DNAH11: variants seen among roughly 807,000 people sequenced by gnomAD.
DNAH11 encodes the protein axonemal beta dynein heavy chain 11.
Under a neutral mutation model 526.0 loss-of-function variants are expected in DNAH11, and 442 were observed. That is an observed-to-expected ratio of 0.84 (90% CI 0.78 to 0.91). The LOEUF (loss-of-function observed/expected upper bound fraction) is 0.91. Among genes scored for constraint, DNAH11 ranks in the 40% least tolerant of loss-of-function variants. The pLI is 0.00. For synonymous variants in DNAH11, 2,461 were observed against 1,935.9 expected (o/e 1.27, Z -7.12); for missense variants, 6,989 against 5,448.7 (o/e 1.28, Z -8.90).
chr7:21,711,956 C>A, intron 42 of DNAH11, 96 bp downstream of exon 42: 1 of 1,362,550 alleles, frequency 7.3e-7, no homozygotes. Flanking sequence ...TGTTGTTGCA[C>A]AGCTGTCACC....
At position 21,683,979 on chromosome 7, in the gene DNAH11, A is replaced by T. The variant is rs542412747; in HGVS notation, c.5621+35A>T. ...CAAAGTTTCCGTCCAGATAGGAAAA[A>T]CAACCCAAAAAAGTCCCCTAGTGTG... On this transcript the variant is annotated intron_variant, in intron 32 of 81. Transcript: ENST00000409508. The T allele has an allele frequency of 4.6e-5, 74 of 1,608,402 alleles. No individual in the cohort carries two copies. In the African/African-American group the frequency reaches 7.2e-4, roughly 16 times the overall value.
At position 21,749,632 on chromosome 7, in the gene DNAH11, C is replaced by T. The variant is rs575970572; in HGVS notation, c.8674-46C>T. On this transcript the variant is annotated intron_variant, in intron 52 of 81. Transcript: ENST00000409508. The stretch of plus-strand genomic sequence containing the variant: ...GCACTCACACACAACCTCTCAACGC[C>T]GCATCAGCATTTTAACAAAACATGA... 2.7e-4 allele frequency: 429 copies of T among 1,608,474 alleles called. No homozygotes were observed. The South Asian group carries it at 4.6e-3, about 17-fold the overall frequency.
At chr7:21,611,405 A>T (rs533515516) in intron 20 of DNAH11, among the ~76,000 whole-genome samples, 4 of 152,234 alleles carry the variant, frequency 2.6e-5, no homozygotes, top group Non-Finnish European at 5.9e-5. Flanking sequence ...CCAGCTTGCA[A>T]ATAGCTTATT....
chr7:21,684,755 C>T (rs1321271321), intron 32 of DNAH11, among the ~76,000 whole-genome samples: 2 of 152,196 alleles, frequency 1.3e-5, no homozygotes, highest in Admixed American at 6.5e-5. Context: ...AGTTCGTTTC[C>T]ACTTGACTCC....
chr7:21,866,260 T>C (rs1783271884), intron 70 of DNAH11, among the ~76,000 whole-genome samples: 1 of 146,650 alleles, frequency 6.8e-6, no homozygotes, highest in African/African-American at 2.5e-5. Context: ...CAAACCCAAC[T>C]AGGTCAGGGA....
At chr7:21,869,918 G>A (rs897778610) in intron 73 of DNAH11, among the ~76,000 whole-genome samples, 3 of 152,154 alleles carry the variant, frequency 2.0e-5, no homozygotes, top group South Asian at 2.1e-4. Flanking sequence ...CAGCATTAGG[G>A]GGCACCTGAG....
At chr7:21,867,818 C>T (rs1420675281) in intron 71 of DNAH11, 41 bp from the exon 72 acceptor site, 6 of 1,537,160 alleles carry the variant, frequency 3.9e-6, no homozygotes, top group South Asian at 2.4e-5. Flanking sequence ...TTTTCAAGGT[C>T]AAAACCACTG....
chr7:21,779,032 G>C lies in DNAH11; in HGVS notation c.9411G>C (p.Leu3137=), dbSNP rs775668376. ...TGAGAAATCATGATGCCGAAGCTCT[G>C]ATCACAAAGATCGGCCTTCAGACGG... ...LQLRNHDAEA[L]ITKIGLQTEK... Residue 3137 remains leucine (L), a synonymous_variant, in exon 57 of 82, where the codon CTG becomes CTC. Transcript: ENST00000409508. 1 of 1,613,464 alleles carries C rather than the reference G, an allele frequency of 6.2e-7. No homozygotes were observed. The highest frequency in any genetic ancestry group is 8.5e-7 in the Non-Finnish European group (1 of 1,179,604).
chr7:21,872,580 G>A (rs1301458798), intron 73 of DNAH11, among the ~76,000 whole-genome samples: 5 of 152,164 alleles, frequency 3.3e-5, no homozygotes, highest in Admixed American at 3.3e-4. Context: ...CAACTACCAA[G>A]CTATAACCTG....
chr7:21,851,707 A>G, intron 66 of DNAH11: 2 of 469,002 alleles, frequency 4.3e-6, no homozygotes, highest in South Asian at 3.1e-5. Flanking sequence ...TTCAAGCTCT[A>G]CTTGCATGTC....
intron 42 of DNAH11, among the ~76,000 whole-genome samples, chr7:21,713,301 T>A (rs1784530973): frequency 1.3e-5 from 2 of 152,146 alleles, no homozygotes; most frequent in African/African-American, 4.8e-5. Flanking sequence ...TGGACCACAT[T>A]AGTGGGCTCC....
rs543364800 is a variant in DNAH11, at chr7:21,842,729, C to A, written c.10877C>A (p.Pro3626Gln). The A allele has an allele frequency of 1.1e-3, 1,789 of 1,610,404 alleles. 46 individuals carry two copies. In the South Asian group the frequency reaches 0.018, roughly 16 times the overall value. Residue 3626 changes from proline (P) to glutamine (Q), a missense_variant, in exon 66 of 82, where the codon CCA becomes CAA. Physicochemically the swap from Pro to Gln is moderately conservative, Grantham distance 76 (BLOSUM62 -1). Coordinates refer to ENST00000409508, the MANE Select transcript of DNAH11 (RefSeq NM_001277115.2). ...LLAEVVSIER[P>Q]DLEKLKLVLT... ...GCAGAGGTTGTCAGTATTGAAAGGC[C>A]AGATTTGGAGAAACTTAAGGTAAAA...
At chr7:21,831,237 T>C (rs930293596) in intron 65 of DNAH11, among the ~76,000 whole-genome samples, 2 of 152,236 alleles carry the variant, frequency 1.3e-5, no homozygotes, top group Admixed American at 6.5e-5. Context: ...CCTTCAGTGT[T>C]CTAGAAGTCA....
chr7:21,677,923 T>A (rs961702309), intron 30 of DNAH11, among the ~76,000 whole-genome samples: 1 of 152,226 alleles, frequency 6.6e-6, no homozygotes, highest in African/African-American at 2.4e-5. Context: ...AATCAGCCTA[T>A]TTGTTGCCGT....
At chr7:21,685,589 A>C (rs1441096328) in intron 32 of DNAH11, among the ~76,000 whole-genome samples, 5 of 152,212 alleles carry the variant, frequency 3.3e-5, no homozygotes, top group African/African-American at 4.8e-5. Flanking sequence ...TTTGTGAGGT[A>C]GGCAGGGGAG....
chr7:21,600,756 C>T lies in DNAH11; in HGVS notation c.3081C>T (p.Val1027=). 6.2e-7 allele frequency: 1 copy of T among 1,613,784 alleles called. No individual in the cohort carries two copies. ...MNRVVNVINK[V]LDFRNTLETH... Reference sequence around the variant, plus strand: ...GAGTGGTGAATGTCATCAACAAAGTCTTAGATTTCAGAAACACCCTGGAGA... The same window carrying T: ...GAGTGGTGAATGTCATCAACAAAGTTTTAGATTTCAGAAACACCCTGGAGA... The change falls in exon 16 of 82, where the codon GTC becomes GTT. Residue 1027 remains valine, a synonymous_variant. Transcript: ENST00000409508.
At chr7:21,664,353 G>A (rs573937362) in intron 30 of DNAH11, among the ~76,000 whole-genome samples, 1 of 151,300 alleles carries the variant, frequency 6.6e-6, no homozygotes, top group Admixed American at 6.6e-5. Flanking sequence ...TTTTTTTTCT[G>A]TAGGAATTGT....
intron 79 of DNAH11, among the ~76,000 whole-genome samples, chr7:21,896,299 C>G (rs756498788): frequency 5.3e-5 from 8 of 152,048 alleles, no homozygotes; most frequent in Non-Finnish European, 7.4e-5. Flanking sequence ...TGTAAATCAT[C>G]TTGTGTTTCT....
At position 21,704,583 on chromosome 7, in the gene DNAH11, T is replaced by C. The variant is rs1232388815; in HGVS notation, c.6423T>C (p.Ser2141=). 1 of 1,612,422 alleles carries C rather than the reference T, an allele frequency of 6.2e-7. No homozygotes were observed. The highest frequency in any genetic ancestry group is 1.3e-5 in the African/African-American group (1 of 74,868). ...KLHFEQMVRQ[S]TLELRLQPEE... is the part of the protein sequence containing the mutation. ...ACTTTGAACAGATGGTCAGGCAGTC[T>C]ACCCTGGAGCTCCGCCTGCAGCCTG... Residue 2141 remains serine (S), a synonymous_variant, in exon 38 of 82, where the codon TCT becomes TCC. Transcript: ENST00000409508.
Sources: gnomAD v4.1 joint callset for allele counts (sites outside exome capture counted in the v4.1 genomes callset) on GRCh38, gnomAD v4.1.1 for gene constraint, MANE v1.5 for transcripts, NCBI Gene and HGNC (gene_info 2026-07-23, HGNC 2026-07-21) for gene names.